The following RNF38 variants were observed in gnomAD, a reference collection of about 807,000 sequenced individuals.
RNF38 encodes the protein E3 ubiquitin-protein ligase RNF38.
Under a neutral mutation model 67.2 loss-of-function variants are expected in RNF38, and 15 were observed. That is an observed-to-expected ratio of 0.22 (90% CI 0.15 to 0.34). RNF38 has a LOEUF of 0.34. Ranked by LOEUF, RNF38 falls within the 10% of genes least tolerant of loss-of-function variation. The pLI, the probability that RNF38 is intolerant of heterozygous loss-of-function variation, is 1.00. For missense variants in RNF38, 524 were observed against 639.9 expected (o/e 0.82, Z 1.95); for synonymous variants, 220 against 218.8 (o/e 1.01, Z -0.05).
At chr9:36,350,371 A>G (rs1833610169) in intron 9 of RNF38, among the ~76,000 whole-genome samples, 1 of 152,214 alleles carries the variant, frequency 6.6e-6, no homozygotes, top group Non-Finnish European at 1.5e-5. Context: ...TGATGCCATA[A>G]AGCACCAAAA....
chr9:36,356,149 G>A (rs1834088884), intron 6 of RNF38, among the ~76,000 whole-genome samples, 154 bp downstream of exon 6: 1 of 152,072 alleles, frequency 6.6e-6, no homozygotes, highest in African/African-American at 2.4e-5. Flanking sequence ...ACCTGGCCAA[G>A]TTACTATGTT....
chr9:36,410,389 T>C (rs1838294320), intron 2 of RNF38, among the ~76,000 whole-genome samples: 1 of 152,276 alleles, frequency 6.6e-6, no homozygotes, highest in South Asian at 2.1e-4. Flanking sequence ...TGCAATGGCA[T>C]GATCTCGGCT....
chr9:36,433,326 C>G (rs1011887107), intron 1 of RNF38, among the ~76,000 whole-genome samples: 1 of 151,666 alleles, frequency 6.6e-6, no homozygotes, highest in Non-Finnish European at 1.5e-5. Flanking sequence ...ATGGATACCC[C>G]CCCCTTACCC....
At chr9:36,392,205 T>C (rs1837166594) in intron 1 of RNF38, among the ~76,000 whole-genome samples, 1 of 152,212 alleles carries the variant, frequency 6.6e-6, no homozygotes, top group Non-Finnish European at 1.5e-5. Flanking sequence ...ATGGACCTGG[T>C]AAACAGATAA....
At chr9:36,398,129 A>T (rs2134114979) in intron 1 of RNF38, among the ~76,000 whole-genome samples, 1 of 152,330 alleles carries the variant, frequency 6.6e-6, no homozygotes. Flanking sequence ...GGATGCTGTG[A>T]CTACAAAATG....
At chr9:36,470,422 T>G (rs1051326454) in intron 1 of RNF38, among the ~76,000 whole-genome samples, 11 of 152,168 alleles carry the variant, frequency 7.2e-5, no homozygotes, top group Admixed American at 6.6e-5. Context: ...GGTTTTTCTC[T>G]CTTTGAATAT....
At chr9:36,451,506 T>TTG (rs1199517151) in intron 1 of RNF38, among the ~76,000 whole-genome samples, 9 of 141,474 alleles carry the variant, frequency 6.4e-5, no homozygotes, top group African/African-American at 2.3e-4. Flanking sequence ...TTTTTTTTTT[T>TTG]TTTTTTTTTT....
intron 2 of RNF38, among the ~76,000 whole-genome samples, chr9:36,419,520 A>G (rs1345058484): frequency 2.0e-5 from 3 of 152,234 alleles, no homozygotes; most frequent in African/African-American, 7.2e-5. Context: ...AAGTTAATTC[A>G]CCTCAACTGA....
intron 4 of RNF38, among the ~76,000 whole-genome samples, chr9:36,359,923 A>T (rs967554310): frequency 7.0e-5 from 10 of 143,190 alleles, no homozygotes; most frequent in East Asian, 2.0e-4. Context: ...TTTTTTTTTT[A>T]AATTAGAGAC....
At chr9:36,470,948 T>G (rs538412819) in intron 1 of RNF38, among the ~76,000 whole-genome samples, 1 of 152,326 alleles carries the variant, frequency 6.6e-6, no homozygotes, top group East Asian at 1.9e-4. Flanking sequence ...TTTCCTCCAC[T>G]GAGACTTCTC....
At chr9:36,391,106 A>G (rs916470541) in intron 1 of RNF38, among the ~76,000 whole-genome samples, 2 of 152,278 alleles carry the variant, frequency 1.3e-5, no homozygotes, top group Admixed American at 6.5e-5. Context: ...TATAGCAAAC[A>G]TATGTTTGAC....
At chr9:36,474,325 C>A (rs1211026903) in intron 1 of RNF38, among the ~76,000 whole-genome samples, 3 of 133,264 alleles carry the variant, frequency 2.3e-5, no homozygotes, top group African/African-American at 3.7e-5. Flanking sequence ...AAAAAAGAAA[C>A]CCTAGCATAG....
intron 1 of RNF38, among the ~76,000 whole-genome samples, chr9:36,485,912 C>T (rs1840398913): frequency 6.6e-6 from 1 of 152,084 alleles, no homozygotes; most frequent in Non-Finnish European, 1.5e-5. Flanking sequence ...CAAGCTAGAA[C>T]GTTTCTATAA....
chr9:36,369,959 A>T (rs1347982412), intron 3 of RNF38, 27 bp from the exon 4 acceptor site: 1 of 1,565,342 alleles, frequency 6.4e-7, no homozygotes, highest in Non-Finnish European at 8.8e-7. Context: ...AAAGAAAGTC[A>T]TTATGCTTAT....
chr9:36,388,692 A>G lies in RNF38; in HGVS notation c.162+1775T>C, dbSNP rs190284429. 1.6e-4 allele frequency among the ~76,000 whole-genome samples: 24 copies of G among 152,324 alleles called. No homozygotes were observed. In the East Asian group the frequency reaches 4.0e-3, roughly 26 times the overall value. On this transcript the variant is annotated intron_variant, in intron 2 of 11. Coordinates refer to ENST00000259605, the MANE Select transcript of RNF38 (RefSeq NM_022781.5). The stretch of plus-strand genomic sequence containing the variant: ...TCCTAGAGAAGGTTGATGTCCTCAG[A>G]AAAGACAGGAGTTTAAAGGAAGCAG...
intron 2 of RNF38, among the ~76,000 whole-genome samples, chr9:36,415,389 T>C (rs2483657): frequency 0.65 from 99,384 of 151,980 alleles, 32,555 homozygotes; most frequent in South Asian, 0.67. Context: ...TTTATTGATT[T>C]TATTTCTCTG....
intron 3 of RNF38, among the ~76,000 whole-genome samples, chr9:36,373,209 A>C (rs1646730199): frequency 6.6e-6 from 1 of 152,210 alleles, no homozygotes; most frequent in South Asian, 2.1e-4. Flanking sequence ...CTACATTTCC[A>C]ATAAAAAAGT....
At chr9:36,382,607 A>G (rs1042007051) in intron 2 of RNF38, among the ~76,000 whole-genome samples, 2 of 152,230 alleles carry the variant, frequency 1.3e-5, no homozygotes, top group Non-Finnish European at 2.9e-5. Context: ...AACTTTTCCC[A>G]AAACAGAAAC....
chr9:36,399,207 C>T (rs1837790683), intron 1 of RNF38, among the ~76,000 whole-genome samples: 1 of 152,114 alleles, frequency 6.6e-6, no homozygotes, highest in African/African-American at 2.4e-5. Flanking sequence ...ATATAAAGCC[C>T]AACAAGTATG....
Sources: allele counts gnomAD v4.1 joint callset (sites outside exome capture counted in the v4.1 genomes callset), GRCh38; gene constraint gnomAD v4.1.1; transcripts MANE v1.5; gene names NCBI Gene and HGNC (gene_info 2026-07-23, HGNC 2026-07-21).